The following SRGAP3 variants were observed in gnomAD, a reference collection of about 807,000 sequenced individuals.
SRGAP3 encodes SLIT-ROBO Rho GTPase activating protein 3, also known as SLIT-ROBO Rho GTPase-activating protein 3.
Under a neutral mutation model 121.1 loss-of-function variants are expected in SRGAP3, and 39 were observed. The ratio of observed to expected loss-of-function variants is 0.32; its 90% CI spans 0.25 to 0.42. The LOEUF (loss-of-function observed/expected upper bound fraction) is 0.42. SRGAP3 is among the 10% of genes least tolerant of loss of function. The pLI is 1.00. For missense variants in SRGAP3, 1,213 were observed against 1,470.6 expected (o/e 0.82, Z 2.86); for synonymous variants, 601 against 570.0 (o/e 1.05, Z -0.77).
At chr3:9,272,448 T>C (rs887679538) in intron 3 of SRGAP3, among the ~76,000 whole-genome samples, 4 of 152,212 alleles carry the variant, frequency 2.6e-5, no homozygotes, top group Admixed American at 1.3e-4. Context: ...TTCTACTTTC[T>C]GTTTCCATGA....
chr3:9,089,344 G>C (rs963262353), intron 3 of SRGAP3, among the ~76,000 whole-genome samples: 1 of 141,322 alleles, frequency 7.1e-6, no homozygotes, highest in Non-Finnish European at 1.5e-5. Context: ...CTTCCCCAAG[G>C]TTGCACAGCT....
At chr3:9,113,022 C>T (rs993479832) in intron 2 of SRGAP3, among the ~76,000 whole-genome samples, 14 of 152,172 alleles carry the variant, frequency 9.2e-5, no homozygotes, top group Non-Finnish European at 1.3e-4. Context: ...CTCATGGGCA[C>T]GGGCATCATC....
At chr3:8,998,112 C>A (rs1285911530) in intron 18 of SRGAP3, among the ~76,000 whole-genome samples, 1 of 152,172 alleles carries the variant, frequency 6.6e-6, no homozygotes, top group Non-Finnish European at 1.5e-5. Context: ...TGGTCTCGAA[C>A]TTCTGGACTC....
At chr3:9,281,695 C>G (rs1330739963) in intron 3 of SRGAP3, among the ~76,000 whole-genome samples, 2 of 152,094 alleles carry the variant, frequency 1.3e-5, no homozygotes, top group East Asian at 3.9e-4. Flanking sequence ...TTGTTTGAGA[C>G]AGGGTCTTGC....
chr3:9,216,322 T>C (rs1188022837), intron 1 of SRGAP3, among the ~76,000 whole-genome samples: 2 of 151,770 alleles, frequency 1.3e-5, no homozygotes, highest in African/African-American at 4.9e-5. Flanking sequence ...GTCAACACAA[T>C]GACTGGAGAG....
chr3:9,010,474 C>T, intron 17 of SRGAP3, 87 bp from the exon 18 acceptor site: 3 of 1,451,774 alleles, frequency 2.1e-6, no homozygotes, highest in Non-Finnish European at 2.9e-6. Flanking sequence ...TCCAGTTGGC[C>T]TCTGGGCCCT....
chr3:9,358,947 T>G (rs2030658904), intron 1 of SRGAP3, among the ~76,000 whole-genome samples: 1 of 152,110 alleles, frequency 6.6e-6, no homozygotes, highest in African/African-American at 2.4e-5. Context: ...GTATACAAAT[T>G]TATTAAACCA....
intron 11 of SRGAP3, chr3:9,037,167 A>G (rs1235604263): frequency 1.3e-5 from 2 of 152,276 alleles, no homozygotes; most frequent in Admixed American, 1.3e-4. Context: ...GGGAAAAGAA[A>G]GAATGCCCTC....
chr3:9,053,402 A>C (rs1236909993), intron 8 of SRGAP3, among the ~76,000 whole-genome samples, 178 bp from the exon 9 acceptor site: 1 of 152,236 alleles, frequency 6.6e-6, no homozygotes. Context: ...TCACCAACCC[A>C]AAATCACACA....
At chr3:9,015,043 G>A (rs1943562079) in intron 15 of SRGAP3, among the ~76,000 whole-genome samples, 1 of 152,080 alleles carries the variant, frequency 6.6e-6, no homozygotes, top group African/African-American at 2.4e-5. Context: ...CAACTAACTA[G>A]CAATGTCAGA....
chr3:9,170,243 G>A (rs952625838), intron 1 of SRGAP3, among the ~76,000 whole-genome samples: 4 of 152,116 alleles, frequency 2.6e-5, no homozygotes, highest in Non-Finnish European at 5.9e-5. Context: ...TTGACACTTG[G>A]GAAGTTTTTG....
chr3:9,306,976 T>A (rs971072825), intron 3 of SRGAP3, among the ~76,000 whole-genome samples: 3 of 152,094 alleles, frequency 2.0e-5, no homozygotes, highest in Non-Finnish European at 2.9e-5. Context: ...CTTGTATGAC[T>A]TTTTTTTCTT....
chr3:9,022,721 G>C (rs1943989647), intron 14 of SRGAP3, among the ~76,000 whole-genome samples: 1 of 152,246 alleles, frequency 6.6e-6, no homozygotes, highest in South Asian at 2.1e-4. Flanking sequence ...GATTCTTTCA[G>C]AAGAAAGCAT....
chr3:9,187,844 C>T (rs1309094684), intron 1 of SRGAP3, among the ~76,000 whole-genome samples: 2 of 152,188 alleles, frequency 1.3e-5, no homozygotes, highest in Admixed American at 6.5e-5. Context: ...TCAGAGACGC[C>T]CTCAGAACAC....
intron 1 of SRGAP3, among the ~76,000 whole-genome samples, chr3:9,165,190 C>T (rs1950742186): frequency 6.6e-6 from 1 of 152,222 alleles, no homozygotes; most frequent in African/African-American, 2.4e-5. Flanking sequence ...TATCTTCCTG[C>T]CATCTTCTCC....
intron 4 of SRGAP3, among the ~76,000 whole-genome samples, chr3:9,077,466 A>C (rs868073945): frequency 1.3e-5 from 2 of 152,088 alleles, no homozygotes; most frequent in Non-Finnish European, 2.9e-5. Context: ...ACTACTGAAG[A>C]CTCAGTGTGC....
In SRGAP3 at chr3:9,053,148, G is replaced by T. The variant is rs982935668; in HGVS notation, c.1202C>A (p.Ala401Asp). Residue 401 changes from alanine (A) to aspartate (D), a missense_variant, in exon 9 of 22, where the codon GCC becomes GAC. Ala to Asp is a moderately radical substitution (Grantham distance 126). Around this residue, in one of 2 missense-constraint regions of SRGAP3, gnomAD observed 793 missense variants for 1,032.9 expected, o/e 0.77. Transcript: ENST00000383836. ...CTCTGTCGATCGACTGTGTTGGAAG[G>T]CATCGGAGACATCAAAGTCCTCCAC... ...LTVEDFDVSD[A>D]FQHSRSTESV... The T allele has an allele frequency of 6.2e-7, 1 of 1,614,174 alleles. No homozygotes were observed. Among genetic ancestry groups the T allele is most frequent in the South Asian group, 1.1e-5 (1 of 91,070 alleles).
In SRGAP3 at chr3:9,341,592, A is replaced by T. The variant is rs191736572; in HGVS notation, n.215-10996T>A. Among the ~76,000 whole-genome samples, 163 of 152,356 alleles carry T rather than the reference A, an allele frequency of 1.1e-3. 1 individual carries two copies. Among genetic ancestry groups the T allele is most frequent in the African/African-American group, 3.7e-3 (153 of 41,580 alleles). Reference sequence around the variant, plus strand: ...TGTGGTCCCTACCTGAGCAGGGTGCAGGTCAGCACCCAAAGGAGGCTGGCA... The same window carrying T: ...TGTGGTCCCTACCTGAGCAGGGTGCTGGTCAGCACCCAAAGGAGGCTGGCA... On this transcript the variant is annotated intron_variant and non_coding_transcript_variant, in intron 1 of 3. Transcript: ENST00000490889.
intron 6 of SRGAP3, chr3:9,059,965 A>C: frequency 4.3e-6 from 2 of 466,124 alleles, no homozygotes; most frequent in East Asian, 8.8e-5. Flanking sequence ...GGTACTTGGG[A>C]AGTTGCCATT....
Sources: allele counts gnomAD v4.1 joint callset (sites outside exome capture counted in the v4.1 genomes callset), GRCh38; gene constraint gnomAD v4.1.1; regional missense constraint gnomAD v4.1.1; transcripts MANE v1.5; gene names NCBI Gene and HGNC (gene_info 2026-07-23, HGNC 2026-07-21).